LMBRD1: variants seen among roughly 807,000 people sequenced by gnomAD.
LMBRD1 encodes the protein LMBR1 domain containing 1, also known as lysosomal cobalamin transport escort protein LMBD1.
LMBRD1 carries 64 observed loss-of-function variants against 74.8 expected under a neutral mutation model. The ratio of observed to expected loss-of-function variants is 0.86; its 90% CI spans 0.70 to 1.05. The LOEUF (loss-of-function observed/expected upper bound fraction) is 1.05, where lower values mean the gene tolerates loss of function less well. Among genes scored for constraint, LMBRD1 ranks in the 50% least tolerant of loss-of-function variants. The pLI, the probability that LMBRD1 is intolerant of heterozygous loss-of-function variation, is 0.00. For missense variants in LMBRD1, 652 were observed against 645.9 expected (o/e 1.01, Z -0.10); for synonymous variants, 204 against 216.3 (o/e 0.94, Z 0.50).
At chr6:69,695,105 T>TAA (rs2149841212) in intron 14 of LMBRD1, among the ~76,000 whole-genome samples, 1 of 152,210 alleles carries the variant, frequency 6.6e-6, no homozygotes, top group East Asian at 1.9e-4. Context: ...TCATTCTATC[T>TAA]AAAGCATTCT....
chr6:69,762,870 C>T (rs1323835720), intron 3 of LMBRD1, among the ~76,000 whole-genome samples: 1 of 152,110 alleles, frequency 6.6e-6, no homozygotes, highest in East Asian at 1.9e-4. Context: ...TTGAGACCTT[C>T]AACTTGGACT....
chr6:69,703,975 G>T (rs568779636), intron 9 of LMBRD1, among the ~76,000 whole-genome samples: 1 of 152,118 alleles, frequency 6.6e-6, no homozygotes, highest in African/African-American at 2.4e-5. Context: ...AATTTGGATT[G>T]CCTATTTTCT....
intron 3 of LMBRD1, among the ~76,000 whole-genome samples, chr6:69,779,454 T>A (rs141650199): frequency 0.013 from 1,987 of 152,118 alleles, 40 homozygotes; most frequent in African/African-American, 0.046. Flanking sequence ...CTGAGAATGA[T>A]GTTTGAGGGA....
chr6:69,681,702 A>T (rs1765666626), intron 14 of LMBRD1, among the ~76,000 whole-genome samples: 1 of 151,882 alleles, frequency 6.6e-6, no homozygotes, highest in Non-Finnish European at 1.5e-5. Context: ...TTGACTAGTG[A>T]CCAAAAAAAC....
chr6:69,742,842 A>C (rs532060112), intron 5 of LMBRD1, among the ~76,000 whole-genome samples: 1 of 152,182 alleles, frequency 6.6e-6, no homozygotes, highest in East Asian at 1.9e-4. Context: ...GCTACTGATA[A>C]CTCTTATTTA....
At chr6:69,694,534 G>C (rs946971267) in intron 14 of LMBRD1, among the ~76,000 whole-genome samples, 1 of 152,038 alleles carries the variant, frequency 6.6e-6, no homozygotes, top group Non-Finnish European at 1.5e-5. Context: ...TATTTCTTCA[G>C]ACAAAATAAA....
At chr6:69,740,856 A>G (rs922003424) in intron 6 of LMBRD1, among the ~76,000 whole-genome samples, 16 of 152,308 alleles carry the variant, frequency 1.1e-4, no homozygotes, top group African/African-American at 3.6e-4. Context: ...ATATTTTAAT[A>G]TCACTTTCTA....
intron 14 of LMBRD1, among the ~76,000 whole-genome samples, chr6:69,680,218 C>T (rs1167714706): frequency 6.6e-6 from 1 of 152,104 alleles, no homozygotes; most frequent in Non-Finnish European, 1.5e-5. Flanking sequence ...ATTTTAAAAA[C>T]AAGAATGGTA....
chr6:69,786,054 C>T (rs1222766454), intron 2 of LMBRD1, among the ~76,000 whole-genome samples: 1 of 152,176 alleles, frequency 6.6e-6, no homozygotes, highest in East Asian at 1.9e-4. Flanking sequence ...CAATCTATTT[C>T]CTCATAGAAT....
At position 69,674,544 on chromosome 6, in the gene LMBRD1, A is replaced by C. The variant is rs1765508541; in HGVS notation, c.*1614T>G. 6.6e-6 allele frequency among the ~76,000 whole-genome samples: 1 copy of C among 152,212 alleles called. No homozygotes were observed. The highest frequency in any genetic ancestry group is 2.1e-4 in the South Asian group (1 of 4,830). On this transcript the variant is annotated 3_prime_UTR_variant, in exon 16 of 16. Transcript: ENST00000649934. ...GCAGAAGAAGGCTTAGTTTGCCCCC[A>C]CAAAAGTGAATACTTCAATTTTCAA... is the stretch of plus-strand genomic sequence containing the variant.
At chr6:69,781,944 T>C (rs1169260810) in intron 2 of LMBRD1, among the ~76,000 whole-genome samples, 1 of 152,154 alleles carries the variant, frequency 6.6e-6, no homozygotes, top group East Asian at 1.9e-4. Context: ...GAAATAAATT[T>C]GAAAAAGACC....
chr6:69,736,420 G>T (rs1426059351), intron 7 of LMBRD1, among the ~76,000 whole-genome samples: 1 of 152,018 alleles, frequency 6.6e-6, no homozygotes, highest in East Asian at 1.9e-4. Flanking sequence ...TGCCCTAAGG[G>T]AACTGGGACT....
intron 14 of LMBRD1, among the ~76,000 whole-genome samples, chr6:69,691,667 G>C (rs558583271): frequency 5.9e-5 from 9 of 152,116 alleles, no homozygotes; most frequent in Admixed American, 2.0e-4. Context: ...ACGAGGTCAG[G>C]AGATGGAGAT....
chr6:69,696,472 TATG>T (rs1418805915), intron 14 of LMBRD1, among the ~76,000 whole-genome samples: 1 of 152,214 alleles, frequency 6.6e-6, no homozygotes, highest in African/African-American at 2.4e-5. Flanking sequence ...TAAAGCCTTT[TATG>T]ATATGACTCA....
intron 3 of LMBRD1, among the ~76,000 whole-genome samples, chr6:69,753,846 C>T (rs1304631939): frequency 6.6e-6 from 1 of 151,448 alleles, no homozygotes; most frequent in Non-Finnish European, 1.5e-5. Flanking sequence ...GAGGCTGAGG[C>T]AGGAGAATGG....
At chr6:69,766,503 T>G (rs1393145359) in intron 3 of LMBRD1, among the ~76,000 whole-genome samples, 2 of 151,976 alleles carry the variant, frequency 1.3e-5, no homozygotes, top group Non-Finnish European at 2.9e-5. Flanking sequence ...ATGAATTCAC[T>G]TTTGTCATAC....
chr6:69,759,327 C>T lies in LMBRD1; in HGVS notation c.308-6971G>A, dbSNP rs570741117. On this transcript the variant is annotated intron_variant, in intron 3 of 15. Transcript: ENST00000649934. ...AGACTTTTCAACTCATTTTACAAGGCTAGCAGTCTTAATACTCACACCTGA... is the reference window on the plus strand; with the variant it reads ...AGACTTTTCAACTCATTTTACAAGGTTAGCAGTCTTAATACTCACACCTGA... Among the ~76,000 whole-genome samples, 7 of 152,132 alleles carry T rather than the reference C, an allele frequency of 4.6e-5. No homozygotes were observed. The South Asian group carries it at 1.3e-3, about 27-fold the overall frequency.
chr6:69,745,999 C>A, intron 5 of LMBRD1: 1 of 218,474 alleles, frequency 4.6e-6, no homozygotes, highest in Non-Finnish European at 9.6e-6. Flanking sequence ...CACTACACGG[C>A]CTAAATGTTC....
At chr6:69,780,334 C>T (rs1765802928) in intron 3 of LMBRD1, among the ~76,000 whole-genome samples, 160 bp downstream of exon 3, 1 of 152,000 alleles carries the variant, frequency 6.6e-6, no homozygotes, top group Non-Finnish European at 1.5e-5. Context: ...TTCTTTCTTG[C>T]CTACTAAACT....
Sources: gnomAD v4.1 joint callset for allele counts (sites outside exome capture counted in the v4.1 genomes callset) on GRCh38, gnomAD v4.1.1 for gene constraint, MANE v1.5 for transcripts, NCBI Gene and HGNC (gene_info 2026-07-23, HGNC 2026-07-21) for gene names.